Variants in CDH13 observed in about 807,000 individuals in gnomAD.
CDH13 encodes cadherin 13, also known as cadherin-13.
In CDH13, 24 loss-of-function variants were observed where a neutral mutation model predicts 63.8. That is an observed-to-expected ratio of 0.38 (90% CI 0.27 to 0.53). CDH13 has a LOEUF of 0.53. Ranked by LOEUF, CDH13 falls within the 20% of genes least tolerant of loss-of-function variation. CDH13 has a pLI of 0.85. For synonymous variants in CDH13, 503 were observed against 355.3 expected (o/e 1.42, Z -4.67); for missense variants, 1,049 against 903.1 (o/e 1.16, Z -2.07).
intron 8 of CDH13, among the ~76,000 whole-genome samples, chr16:83,618,965 T>G (rs184241543): frequency 1.3e-5 from 2 of 152,332 alleles, no homozygotes; most frequent in East Asian, 3.9e-4. Flanking sequence ...AGTTACAGAC[T>G]GAGTATCAGT....
intron 1 of CDH13, among the ~76,000 whole-genome samples, chr16:82,723,596 G>A (rs1003071763): frequency 6.6e-6 from 1 of 152,160 alleles, no homozygotes; most frequent in Non-Finnish European, 1.5e-5. Flanking sequence ...CCACAAGATG[G>A]AAAGAGGAGT....
chr16:82,711,081 A>C (rs1341055371), intron 1 of CDH13, among the ~76,000 whole-genome samples: 1 of 151,996 alleles, frequency 6.6e-6, no homozygotes, highest in African/African-American at 2.4e-5. Flanking sequence ...GGACCGCATT[A>C]TGTCTGAATA....
intron 4 of CDH13, among the ~76,000 whole-genome samples, chr16:83,189,242 C>A (rs1039801521): frequency 5.3e-5 from 8 of 152,256 alleles, no homozygotes; most frequent in African/African-American, 1.9e-4. Context: ...TTCCATCATC[C>A]CAGACCCTCA....
At chr16:82,880,664 A>C (rs565423031) in intron 2 of CDH13, among the ~76,000 whole-genome samples, 1 of 152,338 alleles carries the variant, frequency 6.6e-6, no homozygotes, top group South Asian at 2.1e-4. Flanking sequence ...TGCTATGCTT[A>C]CTGTAGTGAA....
At chr16:83,582,752 C>T (rs901918159) in intron 7 of CDH13, among the ~76,000 whole-genome samples, 2 of 152,208 alleles carry the variant, frequency 1.3e-5, no homozygotes, top group African/African-American at 2.4e-5. Context: ...GACAGAGCTT[C>T]CTGAAGACTG....
chr16:82,808,921 C>G (rs558596629), intron 1 of CDH13, among the ~76,000 whole-genome samples: 1 of 152,242 alleles, frequency 6.6e-6, no homozygotes, highest in East Asian at 1.9e-4. Flanking sequence ...TACCTGCCCT[C>G]ATGTTTACAC....
At chr16:82,673,577 G>A (rs1252123238) in intron 1 of CDH13, among the ~76,000 whole-genome samples, 1 of 152,210 alleles carries the variant, frequency 6.6e-6, no homozygotes, top group Admixed American at 6.5e-5. Flanking sequence ...AATTCTACGA[G>A]CCATGAAAGT....
intron 2 of CDH13, among the ~76,000 whole-genome samples, chr16:83,006,672 C>G (rs1416021277): frequency 6.6e-6 from 1 of 152,142 alleles, no homozygotes; most frequent in Non-Finnish European, 1.5e-5. Flanking sequence ...TGAGCTGTAC[C>G]TCCAACAGAG....
Position 83,341,997 on chromosome 16 carries a change from A to C in CDH13, c.637-2865A>C, listed in dbSNP as rs199727539. On this transcript the variant is annotated intron_variant, in intron 5 of 13. Transcript: ENST00000567109. ...TGAATAGGTGTCCCCTGCCACACAC[A>C]CACACACACACACACACACACACAC... Among the ~76,000 whole-genome samples the C allele has an allele frequency of 5.1e-4, 71 of 138,594 alleles. No individual in the cohort carries two copies. In the Middle Eastern group the frequency reaches 0.015, roughly 28 times the overall value. 90.9% of individuals were successfully genotyped at this position (138,594 alleles called of 152,430 possible). A position where few individuals can be genotyped will look rare whatever the true frequency, so the allele number is the denominator to read the frequency against.
At chr16:82,681,400 T>A (rs1000559412) in intron 1 of CDH13, among the ~76,000 whole-genome samples, 2 of 151,864 alleles carry the variant, frequency 1.3e-5, no homozygotes, top group Non-Finnish European at 1.5e-5. Flanking sequence ...TTTGGGGAGG[T>A]GGAAACGTTG....
chr16:83,772,297 A>T (rs1302542685), intron 11 of CDH13, among the ~76,000 whole-genome samples: 1 of 152,222 alleles, frequency 6.6e-6, no homozygotes, highest in African/African-American at 2.4e-5. Context: ...CCCAAGTCTT[A>T]TGCTGCTAGA....
chr16:83,319,738 A>G (rs1266252720), intron 5 of CDH13, among the ~76,000 whole-genome samples: 1 of 152,216 alleles, frequency 6.6e-6, no homozygotes, highest in Non-Finnish European at 1.5e-5. Flanking sequence ...TGAGGAAGAC[A>G]GGTGACAAGA....
intron 10 of CDH13, among the ~76,000 whole-genome samples, chr16:83,689,116 C>T (rs1854625310): frequency 6.6e-6 from 1 of 151,644 alleles, no homozygotes; most frequent in African/African-American, 2.4e-5. Context: ...TGCCATAGGC[C>T]AGACTTTCAT....
chr16:83,337,273 G>A (rs951076027), intron 5 of CDH13, among the ~76,000 whole-genome samples: 1 of 152,172 alleles, frequency 6.6e-6, no homozygotes, highest in African/African-American at 2.4e-5. Flanking sequence ...GAACCCAGGT[G>A]CTGGGATGCC....
At chr16:83,236,017 A>G (rs2040132060) in intron 5 of CDH13, among the ~76,000 whole-genome samples, 1 of 152,202 alleles carries the variant, frequency 6.6e-6, no homozygotes, top group Non-Finnish European at 1.5e-5. Flanking sequence ...TTCAGAAATA[A>G]TTTGCATTTA....
intron 3 of CDH13, among the ~76,000 whole-genome samples, chr16:83,033,093 T>C (rs1204893453): frequency 6.6e-6 from 1 of 152,230 alleles, no homozygotes; most frequent in South Asian, 2.1e-4. Flanking sequence ...TACTTATGTG[T>C]ATATGTACAC....
chr16:83,213,278 C>T (rs73608404), intron 4 of CDH13, among the ~76,000 whole-genome samples: 10,888 of 152,178 alleles, frequency 0.072, 938 homozygotes, highest in African/African-American at 0.21. Flanking sequence ...AAGAAAATGA[C>T]TGAGACCCAC....
At chr16:83,288,762 T>G (rs1018097837) in intron 5 of CDH13, among the ~76,000 whole-genome samples, 5 of 152,264 alleles carry the variant, frequency 3.3e-5, no homozygotes, top group African/African-American at 1.2e-4. Flanking sequence ...ATGTCTTTAT[T>G]TCTCTGCAAA....
intron 2 of CDH13, among the ~76,000 whole-genome samples, chr16:83,025,212 T>G (rs1915687381): frequency 6.6e-6 from 1 of 152,204 alleles, no homozygotes; most frequent in Non-Finnish European, 1.5e-5. Context: ...CCATAAGGAT[T>G]ATAGTACCTT....
Sources: allele counts gnomAD v4.1 joint callset (sites outside exome capture counted in the v4.1 genomes callset), GRCh38; gene constraint gnomAD v4.1.1; transcripts MANE v1.5; gene names NCBI Gene and HGNC (gene_info 2026-07-23, HGNC 2026-07-21).